Variants in IFT140 observed in about 807,000 individuals in gnomAD.
The protein encoded by IFT140 is intraflagellar transport protein 140 homolog.
IFT140 carries 133 observed loss-of-function variants against 164.6 expected under a neutral mutation model. The observed-to-expected ratio is 0.81, with a 90% CI of 0.70 to 0.93. IFT140 has a LOEUF of 0.93. IFT140 is among the 40% of genes least tolerant of loss of function. The pLI is 0.00. For synonymous variants in IFT140, 860 were observed against 817.3 expected (o/e 1.05, Z -0.89); for missense variants, 2,045 against 1,972.3 (o/e 1.04, Z -0.70).
In IFT140 at chr16:1,571,518, A is replaced by T. The variant is rs150903791; in HGVS notation, c.1541T>A (p.Leu514His). ...VRTWQGTVKQ[L>H]LLFSETEGNP... is the part of the protein sequence containing the mutation. ...CCCCTCAGTCTCCGAGAAAAGGAGG[A>T]GTTGTTTGACAGTCCCCTGAGGAAA... Residue 514 changes from leucine to histidine, a missense_variant, in exon 14 of 31, where the codon CTC becomes CAC. Coordinates refer to ENST00000426508, the MANE Select transcript of IFT140 (RefSeq NM_014714.4). The T allele has an allele frequency of 2.9e-3, 4,757 of 1,612,648 alleles. 23 individuals carry two copies. The highest frequency in any genetic ancestry group is 0.024 in the Middle Eastern group (143 of 6,060).
chr16:1,520,570 G>A (rs1238679389), intron 27 of IFT140, 32 bp downstream of exon 27: 1 of 1,538,856 alleles, frequency 6.5e-7, no homozygotes, highest in Non-Finnish European at 8.8e-7. Context: ...TGCCTGTGAG[G>A]TAGCCGCGGG....
intron 14 of IFT140, among the ~76,000 whole-genome samples, chr16:1,569,757 A>ATT (rs57236076): frequency 0.077 from 11,206 of 146,100 alleles, 617 homozygotes; most frequent in Admixed American, 0.18. Context: ...TGCCTGGCTA[A>ATT]TTTTTTTTTT....
At chr16:1,600,165 G>C (rs1376480578) in intron 4 of IFT140, among the ~76,000 whole-genome samples, 4 of 145,168 alleles carry the variant, frequency 2.8e-5, no homozygotes, top group Non-Finnish European at 4.5e-5. Context: ...CCAACCCTGT[G>C]CTCTCTGAAA....
At chr16:1,592,387 T>C in intron 5 of IFT140, 69 bp from the exon 6 acceptor site, 2 of 1,611,166 alleles carry the variant, frequency 1.2e-6, no homozygotes, top group Non-Finnish European at 1.7e-6. Context: ...CTGGGGCCCC[T>C]CCTGGGTCAG....
Position 1,596,259 on chromosome 16 carries a change from C to A in IFT140, c.370-3671G>T, listed in dbSNP as rs60817836. 2.3e-3 allele frequency among the ~76,000 whole-genome samples: 350 copies of A among 152,024 alleles called. 3 individuals are homozygous for A. Among genetic ancestry groups the A allele is most frequent in the African/African-American group, 8.2e-3 (342 of 41,466 alleles). On this transcript the variant is annotated intron_variant, in intron 4 of 30. Coordinates refer to ENST00000426508, the MANE Select transcript of IFT140 (RefSeq NM_014714.4). ...CGCAGTGGCTCCCGTGTCTGCAAAG[C>A]ATTTTATGCACACCACATCCTCAGA...
In IFT140 at chr16:1,525,117, C is replaced by T. The variant is rs529588714; in HGVS notation, c.2864+114G>A. ...GCATGGCTCTGAGGAGCCGGGAGGA[C>T]GCTGCCCACTCGTGCAGGAAGCACG... is the stretch of plus-strand genomic sequence containing the variant. On this transcript the variant is annotated intron_variant, in intron 22 of 30. Coordinates refer to ENST00000426508, the MANE Select transcript of IFT140 (RefSeq NM_014714.4). The T allele has an allele frequency of 7.6e-4, 890 of 1,165,660 alleles. 1 individual carries two copies. Among genetic ancestry groups the T allele is most frequent in the Non-Finnish European group, 9.7e-4 (786 of 806,424 alleles). 72.2% of individuals were successfully genotyped at this position (1,165,660 alleles called of 1,614,324 possible). A position where few individuals can be genotyped will look rare whatever the true frequency, so the allele number is the denominator to read the frequency against.
At chr16:1,604,509 G>A (rs1191297512) in intron 3 of IFT140, 1 of 152,398 alleles carries the variant, frequency 6.6e-6, no homozygotes, top group Non-Finnish European at 1.5e-5. Flanking sequence ...AGGTGACAGA[G>A]CCAGACCTGG....
At position 1,593,635 on chromosome 16, in the gene IFT140, G is replaced by A. The variant is rs545739933; in HGVS notation, c.370-1047C>T. ...CTGGACAGTGTGAGACCTGCTGGCT[G>A]GGTATATCATGGGATGCCCCTCCAC... On this transcript the variant is annotated intron_variant, in intron 4 of 30. Coordinates refer to ENST00000426508, the MANE Select transcript of IFT140 (RefSeq NM_014714.4). 1.4e-3 allele frequency among the ~76,000 whole-genome samples: 217 copies of A among 152,240 alleles called. 2 individuals are homozygous for A. The highest frequency in any genetic ancestry group is 5.1e-3 in the African/African-American group (211 of 41,536).
chr16:1,529,658 T>C (rs2030228516), intron 19 of IFT140, among the ~76,000 whole-genome samples: 1 of 152,248 alleles, frequency 6.6e-6, no homozygotes, highest in Admixed American at 6.5e-5. Flanking sequence ...AAGTCACATC[T>C]TTACAATGAA....
At chr16:1,539,557 G>T (rs2031421447) in intron 19 of IFT140, among the ~76,000 whole-genome samples, 1 of 152,274 alleles carries the variant, frequency 6.6e-6, no homozygotes, top group Non-Finnish European at 1.5e-5. Context: ...CACCAGGCTG[G>T]CTCTCAGCCC....
chr16:1,521,980 TG>T (rs1249004612), intron 26 of IFT140, among the ~76,000 whole-genome samples: 1 of 150,586 alleles, frequency 6.6e-6, no homozygotes, highest in African/African-American at 2.4e-5. Context: ...CCCAGCACTT[TG>T]GGAGGCCGAG....
chr16:1,540,426 G>A (rs938320125), intron 19 of IFT140, among the ~76,000 whole-genome samples: 4 of 152,220 alleles, frequency 2.6e-5, no homozygotes, highest in Non-Finnish European at 4.4e-5. Context: ...CCCCGTGCAC[G>A]CGTGAACCTC....
At chr16:1,527,754 G>A (rs989603681) in intron 19 of IFT140, among the ~76,000 whole-genome samples, 5 of 152,140 alleles carry the variant, frequency 3.3e-5, no homozygotes, top group African/African-American at 1.2e-4. Flanking sequence ...TGTATTTTTT[G>A]TAGAGACAGG....
intron 3 of IFT140, among the ~76,000 whole-genome samples, chr16:1,604,177 C>T (rs1319567844): frequency 6.6e-6 from 1 of 152,060 alleles, no homozygotes; most frequent in Non-Finnish European, 1.5e-5. Flanking sequence ...TGGACTGAGC[C>T]CTAAGTCTGG....
rs554572780 is a variant in IFT140 at position 1,561,920 on chromosome 16, G to C, written c.2199+65C>G. 17 of 1,456,844 alleles carry C rather than the reference G, an allele frequency of 1.2e-5. No homozygotes were observed. The East Asian group carries it at 3.7e-4, about 32-fold the overall frequency. The allele number at this position is 1,456,844 out of a possible 1,614,324, so 90.2% of individuals were successfully genotyped here. On this transcript the variant is annotated intron_variant, in intron 18 of 30. Coordinates refer to ENST00000426508, the MANE Select transcript of IFT140 (RefSeq NM_014714.4). ...CACATTTCAGCTCCCTGGGACGCTT[G>C]CAAGAGCCCAGCCAGGCAAGGGGAG...
At chr16:1,566,097 C>G in intron 16 of IFT140, 64 bp downstream of exon 16, 1 of 1,566,716 alleles carries the variant, frequency 6.4e-7, no homozygotes, top group Non-Finnish European at 8.7e-7. Context: ...ACAACCCGCC[C>G]AGAAGCCGAG....
At chr16:1,552,922 C>T (rs1384858667) in intron 19 of IFT140, 19 of 973,186 alleles carry the variant, frequency 2.0e-5, no homozygotes, top group Non-Finnish European at 2.3e-5. Flanking sequence ...CAAAGTGCTG[C>T]GATTATAGGC....
chr16:1,583,700 T>G (rs1006213614), intron 11 of IFT140, among the ~76,000 whole-genome samples: 2 of 152,128 alleles, frequency 1.3e-5, no homozygotes, highest in African/African-American at 4.8e-5. Context: ...AACTGACATT[T>G]TTTTTAATTT....
intron 24 of IFT140, 189 bp from the exon 25 acceptor site, chr16:1,524,145 G>A: frequency 1.3e-6 from 1 of 756,366 alleles, no homozygotes. Context: ...CCGATGCTCT[G>A]GGTTCTATTT....
Sources: gnomAD v4.1 joint callset for allele counts (sites outside exome capture counted in the v4.1 genomes callset) on GRCh38, gnomAD v4.1.1 for gene constraint, MANE v1.5 for transcripts, NCBI Gene and HGNC (gene_info 2026-07-23, HGNC 2026-07-21) for gene names.